The following VAV2 variants were observed in gnomAD, a reference collection of about 807,000 sequenced individuals.
The protein encoded by VAV2 is vav guanine nucleotide exchange factor 2.
In VAV2, 67 loss-of-function variants were observed where a neutral mutation model predicts 132.5. The ratio of observed to expected loss-of-function variants is 0.51; its 90% CI spans 0.42 to 0.62. The LOEUF is 0.62. Ranked by LOEUF, VAV2 falls within the 20% of genes least tolerant of loss-of-function variation. The pLI, the probability that VAV2 is intolerant of heterozygous loss-of-function variation, is 0.00. For missense variants in VAV2, 938 were observed against 1,153.6 expected (o/e 0.81, Z 2.71); for synonymous variants, 492 against 443.5 (o/e 1.11, Z -1.37).
chr9:133,775,876 G>A (rs1390404561), intron 24 of VAV2, 152 bp downstream of exon 24: 13 of 992,180 alleles, frequency 1.3e-5, no homozygotes, highest in African/African-American at 1.7e-5. Flanking sequence ...GCATTTGGGA[G>A]CCACTGGGCT....
chr9:133,983,009 G>A (rs566517919), intron 1 of VAV2, among the ~76,000 whole-genome samples: 3 of 152,270 alleles, frequency 2.0e-5, no homozygotes, highest in East Asian at 1.9e-4. Context: ...AACATCTGCC[G>A]CCACCTGCTC....
chr9:133,835,329 C>T (rs1467170873), intron 3 of VAV2, among the ~76,000 whole-genome samples: 2 of 150,620 alleles, frequency 1.3e-5, no homozygotes, highest in African/African-American at 2.4e-5. Context: ...CTGCATAAGG[C>T]GAGCCCAGGC....
At position 133,815,987 on chromosome 9, in the gene VAV2, T is replaced by A. The variant is rs538458051; in HGVS notation, c.450-3771A>T. On this transcript the variant is annotated intron_variant, in intron 4 of 29. Transcript: ENST00000371850. ...GCTCACCAGCCCCAGCTGCGCCACATCCTCATCAGCTTCTGCTGTTGCCGG... is the reference window on the plus strand; with the variant it reads ...GCTCACCAGCCCCAGCTGCGCCACAACCTCATCAGCTTCTGCTGTTGCCGG... Among the ~76,000 whole-genome samples the A allele has an allele frequency of 1.4e-3, 213 of 152,302 alleles. 1 individual carries two copies. Among genetic ancestry groups the A allele is most frequent in the Non-Finnish European group, 2.1e-3 (144 of 68,012 alleles).
chr9:133,846,770 T>C (rs1836951205), intron 3 of VAV2, among the ~76,000 whole-genome samples: 2 of 152,320 alleles, frequency 1.3e-5, no homozygotes, highest in African/African-American at 4.8e-5. Context: ...CCGGGAACTC[T>C]GGGCCTTGGA....
Position 133,827,441 on chromosome 9 carries a change from GTGGGGGCAT to G in VAV2, c.449+6822_449+6830del. ...TGTGCCCACTGAGGCTGACCACTGA[GTGGGGGCAT>G]CACCACCTACCGCTGCGCCCACTGA... is the stretch of plus-strand genomic sequence containing the variant. On this transcript the variant is annotated intron_variant, in intron 4 of 29. Transcript: ENST00000371850. Among the ~76,000 whole-genome samples the G allele has an allele frequency of 5.4e-4, 2 of 3,682 alleles. 1 individual carries two copies. The highest frequency in any genetic ancestry group is 9.9e-4 in the Non-Finnish European group (2 of 2,030). The allele number at this position is 3,682 out of a possible 152,430, so 2.4% of individuals were successfully genotyped here.
chr9:133,878,822 C>A (rs534779625), intron 2 of VAV2, among the ~76,000 whole-genome samples: 1 of 152,212 alleles, frequency 6.6e-6, no homozygotes, highest in Non-Finnish European at 1.5e-5. Flanking sequence ...GGGGCAGGGG[C>A]CAGGGACAGC....
At position 133,956,887 on chromosome 9, in the gene VAV2, G is replaced by A. The variant is rs969167402; in HGVS notation, c.205-17668C>T. Among the ~76,000 whole-genome samples the A allele has an allele frequency of 3.9e-5, 6 of 152,206 alleles. No individual in the cohort carries two copies. The East Asian group carries it at 5.8e-4, about 15-fold the overall frequency. On this transcript the variant is annotated intron_variant, in intron 1 of 29. Transcript: ENST00000371850. ...GGGGGACAGGCCAGGCAGGAAACCC[G>A]GCCGTCCTCAAGCAGGAAAGCTGGG...
intron 19 of VAV2, among the ~76,000 whole-genome samples, chr9:133,782,330 G>A (rs1021390334): frequency 2.0e-5 from 3 of 151,978 alleles, no homozygotes; most frequent in Non-Finnish European, 2.9e-5. Context: ...GGGGACATGC[G>A]ACCACGAGAG....
chr9:133,815,545 C>T (rs1034761562), intron 4 of VAV2, among the ~76,000 whole-genome samples: 10 of 152,080 alleles, frequency 6.6e-5, no homozygotes, highest in African/African-American at 2.4e-4. Flanking sequence ...CGGTGTTGTG[C>T]GTTAGATTTG....
chr9:133,845,211 G>A (rs1175138387), intron 3 of VAV2, among the ~76,000 whole-genome samples: 1 of 152,248 alleles, frequency 6.6e-6, no homozygotes, highest in Non-Finnish European at 1.5e-5. Flanking sequence ...CCTGGCCAGA[G>A]GCAGAAGCGT....
At chr9:133,933,453 ATGGATGGG>A (rs1318863689) in intron 2 of VAV2, among the ~76,000 whole-genome samples, 2 of 143,236 alleles carry the variant, frequency 1.4e-5, no homozygotes, top group Non-Finnish European at 3.0e-5. Context: ...GGATGGATGA[ATGGATGGG>A]TGGATGGATG....
chr9:133,882,480 G>T (rs892103447), intron 2 of VAV2, among the ~76,000 whole-genome samples: 2 of 152,184 alleles, frequency 1.3e-5, no homozygotes, highest in Non-Finnish European at 2.9e-5. Context: ...TGACGATGAG[G>T]TCACCCTGGA....
At chr9:133,955,305 C>CATA (rs1841715868) in intron 1 of VAV2, among the ~76,000 whole-genome samples, 1 of 151,932 alleles carries the variant, frequency 6.6e-6, no homozygotes, top group Admixed American at 6.5e-5. Context: ...AGTGTGGCCC[C>CATA]ATACCCGATG....
At chr9:133,965,436 T>C (rs1430497147) in intron 1 of VAV2, among the ~76,000 whole-genome samples, 2 of 150,546 alleles carry the variant, frequency 1.3e-5, no homozygotes, top group East Asian at 1.9e-4. Context: ...GAGATGAAGG[T>C]TGCAATGAGC....
chr9:133,828,886 G>C (rs1836155525), intron 4 of VAV2, among the ~76,000 whole-genome samples: 1 of 152,242 alleles, frequency 6.6e-6, no homozygotes, highest in South Asian at 2.1e-4. Context: ...CCGGTCTTCA[G>C]CAAACTCCTC....
chr9:133,847,195 C>T (rs529596867), intron 3 of VAV2, among the ~76,000 whole-genome samples: 17 of 152,336 alleles, frequency 1.1e-4, no homozygotes, highest in Admixed American at 2.0e-4. Flanking sequence ...AATGCCAGAT[C>T]CCCAACCTGG....
At chr9:133,917,124 C>T (rs1840120135) in intron 2 of VAV2, among the ~76,000 whole-genome samples, 1 of 152,056 alleles carries the variant, frequency 6.6e-6, no homozygotes, top group African/African-American at 2.4e-5. Flanking sequence ...CCCAGACCTG[C>T]TCCCCACCCA....
chr9:133,777,022 C>CT (rs927751193), intron 23 of VAV2, among the ~76,000 whole-genome samples: 11 of 152,262 alleles, frequency 7.2e-5, no homozygotes, highest in African/African-American at 2.6e-4. Context: ...TGAGGGGAGC[C>CT]TTTTTTTCTC....
chr9:133,797,167 C>T (rs961327241), intron 10 of VAV2, among the ~76,000 whole-genome samples: 6 of 152,136 alleles, frequency 3.9e-5, no homozygotes, highest in Admixed American at 2.6e-4. Context: ...GAGGGGCTCA[C>T]GTGAGAAACA....
Sources: gnomAD v4.1 joint callset for allele counts (sites outside exome capture counted in the v4.1 genomes callset) on GRCh38, gnomAD v4.1.1 for gene constraint, MANE v1.5 for transcripts, NCBI Gene and HGNC (gene_info 2026-07-23, HGNC 2026-07-21) for gene names.